Variants in EPG5 observed in about 807,000 individuals in gnomAD.
EPG5 encodes the protein ectopic P granules protein 5 homolog.
EPG5 carries 159 observed loss-of-function variants against 302.7 expected under a neutral mutation model. That is an observed-to-expected ratio of 0.53 (90% CI 0.46 to 0.60). The LOEUF is 0.60. Ranked by LOEUF, EPG5 falls within the 20% of genes least tolerant of loss-of-function variation. The pLI is 0.00. For synonymous variants in EPG5, 1,158 were observed against 1,136.8 expected (o/e 1.02, Z -0.37); for missense variants, 2,896 against 3,092.4 (o/e 0.94, Z 1.51).
At chr18:45,841,708 G>A in the EPG5 span, among the ~76,000 whole-genome samples, 1 of 152,168 alleles carries the variant, frequency 6.6e-6, no homozygotes, top group Non-Finnish European at 1.5e-5. Flanking sequence ...AAAGACAAGA[G>A]GAGAAGAGAG....
At position 45,916,023 on chromosome 18, in the gene EPG5, A is replaced by G; in HGVS notation, c.3568T>C (p.Tyr1190His). 1 of 1,612,104 alleles carries G rather than the reference A, an allele frequency of 6.2e-7. No homozygotes were observed. The highest frequency in any genetic ancestry group is 8.5e-7 in the Non-Finnish European group (1 of 1,179,520). Residue 1190 changes from tyrosine (Y) to histidine (H), a missense_variant, in exon 19 of 44, where the codon TAC becomes CAC. Coordinates refer to ENST00000282041, the MANE Select transcript of EPG5 (RefSeq NM_020964.3). ...AGGTTAATTACCTTATGTTGTTGGT[A>G]GAGTAATTTCTGTATGCAGTCTTCC... The part of the protein sequence containing the change: ...MQEDCIQKLL[Y>H]QQHKNALGYH...
the EPG5 span, chr18:45,838,483 T>C: frequency 1.0e-5 from 6 of 597,522 alleles, no homozygotes; most frequent in South Asian, 1.6e-4. Flanking sequence ...TGCCAAATCT[T>C]TTCAGCAACC....
intron 23 of EPG5, 128 bp from the exon 24 acceptor site, chr18:45,908,209 C>G: frequency 4.5e-6 from 3 of 659,906 alleles, no homozygotes; most frequent in Non-Finnish European, 7.0e-6. Flanking sequence ...GAAAATGTGG[C>G]CAACAACCAC....
chr18:45,915,159 TCCCAG>T (rs1202720617), intron 20 of EPG5, among the ~76,000 whole-genome samples: 1 of 151,638 alleles, frequency 6.6e-6, no homozygotes, highest in Non-Finnish European at 1.5e-5. Flanking sequence ...ATGCCTGTAA[TCCCAG>T]CTACTCGGGA....
At chr18:45,929,742 C>T (rs1473684457) in intron 12 of EPG5, among the ~76,000 whole-genome samples, 1 of 152,114 alleles carries the variant, frequency 6.6e-6, no homozygotes, top group African/African-American at 2.4e-5. Context: ...CTTCTCTCCC[C>T]AAGTTTTTCA....
the EPG5 span, among the ~76,000 whole-genome samples, chr18:45,837,268 C>T: frequency 6.6e-6 from 1 of 152,218 alleles, no homozygotes; most frequent in South Asian, 2.1e-4. Flanking sequence ...AGGGAAGAGC[C>T]GCGGGAACGC....
At chr18:45,839,982 GT>G in the EPG5 span, among the ~76,000 whole-genome samples, 1 of 152,150 alleles carries the variant, frequency 6.6e-6, no homozygotes, top group Non-Finnish European at 1.5e-5. Context: ...TGTGCTCAGG[GT>G]GCTCAGAAGA....
intron 29 of EPG5, among the ~76,000 whole-genome samples, chr18:45,886,611 T>C (rs2049222685): frequency 6.6e-6 from 1 of 152,160 alleles, no homozygotes; most frequent in African/African-American, 2.4e-5. Context: ...ATAAGAAAGT[T>C]TTCTTCTTCA....
At chr18:45,906,240 C>T (rs2049748383) in intron 24 of EPG5, among the ~76,000 whole-genome samples, 1 of 152,132 alleles carries the variant, frequency 6.6e-6, no homozygotes, top group Admixed American at 6.6e-5. Flanking sequence ...GATTCTTCCT[C>T]GATATATTTT....
chr18:45,829,530 G>GTGAGGTCGA, the EPG5 span, among the ~76,000 whole-genome samples: 1 of 152,302 alleles, frequency 6.6e-6, no homozygotes, highest in Non-Finnish European at 1.5e-5. Flanking sequence ...ATACCTACAG[G>GTGAGGTCGA]TGAGGTCGAC....
At chr18:45,935,407 T>C (rs376483875) in intron 10 of EPG5, among the ~76,000 whole-genome samples, 1 of 152,188 alleles carries the variant, frequency 6.6e-6, no homozygotes, top group African/African-American at 2.4e-5. Flanking sequence ...CCAAGCGTGG[T>C]GGCGCATGCC....
chr18:45,842,316 G>T, the EPG5 span: 17 of 903,518 alleles, frequency 1.9e-5, no homozygotes, highest in Non-Finnish European at 2.8e-5. Flanking sequence ...CTCCTCCCCT[G>T]CTCAAGGTCA....
chr18:45,935,043 A>C, intron 10 of EPG5, 77 bp from the exon 11 acceptor site: 3 of 1,391,094 alleles, frequency 2.2e-6, no homozygotes, highest in African/African-American at 1.5e-5. Context: ...ATTGGCTCTC[A>C]AGGAAAAAAA....
intron 10 of EPG5, among the ~76,000 whole-genome samples, chr18:45,937,187 C>T (rs2050547468): frequency 6.6e-6 from 1 of 150,658 alleles, no homozygotes; most frequent in Non-Finnish European, 1.5e-5. Flanking sequence ...CTATAAAATT[C>T]CCTATATGGC....
At position 45,959,198 on chromosome 18, in the gene EPG5, A is replaced by G. The variant is rs569128094; in HGVS notation, c.64-3860T>C. ...CCCTTGGGCAGTTACAAAATTAGCCAGGCATGGTGGCTGGCACATGTAATC... is the reference window on the plus strand; with the variant it reads ...CCCTTGGGCAGTTACAAAATTAGCCGGGCATGGTGGCTGGCACATGTAATC... On this transcript the variant is annotated intron_variant, in intron 1 of 43. Coordinates refer to ENST00000282041, the MANE Select transcript of EPG5 (RefSeq NM_020964.3). Among the ~76,000 whole-genome samples, 4 of 152,310 alleles carry G rather than the reference A, an allele frequency of 2.6e-5. No homozygotes were observed. The East Asian group carries it at 7.7e-4, about 29-fold the overall frequency.
intron 1 of EPG5, among the ~76,000 whole-genome samples, chr18:45,963,558 C>A (rs1409100986): frequency 6.6e-6 from 1 of 152,090 alleles, no homozygotes; most frequent in Non-Finnish European, 1.5e-5. Flanking sequence ...ATCGCTTGAA[C>A]CAAGAGACAG....
At chr18:45,810,773 T>A in the EPG5 span, among the ~76,000 whole-genome samples, 1 of 152,112 alleles carries the variant, frequency 6.6e-6, no homozygotes, top group Non-Finnish European at 1.5e-5. Context: ...AGAGTGGGAC[T>A]CTGTCTAACA....
rs769029039 is a variant in EPG5, at chr18:45,946,761, C to T, written c.1579G>A (p.Ala527Thr). ...GGCTTCATGTGGCACATAAACTCAG[C>T]TCGATTTCTAAAGGACAAGAATAAT... Reference protein sequence around the residue: ...ALLMSPVKNRAEFMCHMKPSE... With the variant: ...ALLMSPVKNRTEFMCHMKPSE... Residue 527 changes from alanine to threonine, a missense_variant, in exon 7 of 44, where the codon GCT becomes ACT. Physicochemically the swap from Ala to Thr is moderately conservative, Grantham distance 58. Coordinates refer to ENST00000282041, the MANE Select transcript of EPG5 (RefSeq NM_020964.3). The T allele has an allele frequency of 2.4e-5, 38 of 1,614,000 alleles. No individual in the cohort carries two copies. The highest frequency in any genetic ancestry group is 1.5e-5 in the Non-Finnish European group (18 of 1,179,970).
At chr18:45,839,180 G>A in the EPG5 span, 1 of 1,327,494 alleles carries the variant, frequency 7.5e-7, no homozygotes, top group Non-Finnish European at 9.6e-7. Context: ...CTGACCCCCT[G>A]GCACTGCCAG....
Sources: gnomAD v4.1 joint callset for allele counts (sites outside exome capture counted in the v4.1 genomes callset) on GRCh38, gnomAD v4.1.1 for gene constraint, MANE v1.5 for transcripts, NCBI Gene and HGNC (gene_info 2026-07-23, HGNC 2026-07-21) for gene names.